METTL8: variants seen among roughly 807,000 people sequenced by gnomAD.
METTL8 encodes tRNA N(3)-cytidine methyltransferase METTL8, mitochondrial.
METTL8 carries 32 observed loss-of-function variants against 48.7 expected under a neutral mutation model. That is an observed-to-expected ratio of 0.66 (90% CI 0.50 to 0.88). METTL8 has a LOEUF of 0.88. Ranked by LOEUF, METTL8 falls within the 40% of genes least tolerant of loss-of-function variation. The probability of loss-of-function intolerance (pLI) is 0.00; values close to 1 mark genes in which losing one functional copy is unlikely to be tolerated. For missense variants in METTL8, 464 were observed against 474.4 expected (o/e 0.98, Z 0.20); for synonymous variants, 136 against 157.1 (o/e 0.87, Z 1.01).
chr2:171,392,487 G>A (rs10192493), intron 1 of METTL8, among the ~76,000 whole-genome samples: 8,222 of 152,122 alleles, frequency 0.054, 242 homozygotes, highest in African/African-American at 0.072. Flanking sequence ...TTTAGCACAT[G>A]ATCAAAGCAT....
At chr2:171,383,642 G>A (rs1295164914) in intron 2 of METTL8, among the ~76,000 whole-genome samples, 1 of 152,142 alleles carries the variant, frequency 6.6e-6, no homozygotes, top group East Asian at 1.9e-4. Flanking sequence ...ATAAATGGCC[G>A]AGATCCCTTG....
At chr2:171,375,373 CAAAT>C (rs1335370312) in intron 2 of METTL8, 11 of 627,740 alleles carry the variant, frequency 1.8e-5, no homozygotes, top group Non-Finnish European at 3.1e-5. Flanking sequence ...CCTAAACAAA[CAAAT>C]AAACTGCCAA....
In METTL8 at chr2:171,321,938, T is replaced by G. The variant is rs2105375813; in HGVS notation, c.*2234A>C. The G allele has an allele frequency of 6.6e-6, 1 of 152,118 alleles. No individual in the cohort carries two copies. Among genetic ancestry groups the G allele is most frequent in the East Asian group, 1.9e-4 (1 of 5,168 alleles). 9.4% of individuals were successfully genotyped at this position (152,118 alleles called of 1,614,324 possible). On this transcript the variant is annotated 3_prime_UTR_variant, in exon 10 of 10. Transcript: ENST00000375258. ...GTGATTTGCAAGCCAACTTATGTCCTTTTTGAAGCAAGGGAGTAAATAAAT... is the reference window on the plus strand; with the variant it reads ...GTGATTTGCAAGCCAACTTATGTCCGTTTTGAAGCAAGGGAGTAAATAAAT...
intron 1 of METTL8, among the ~76,000 whole-genome samples, chr2:171,410,339 A>G (rs1446969779): frequency 6.6e-6 from 1 of 152,136 alleles, no homozygotes; most frequent in Non-Finnish European, 1.5e-5. Flanking sequence ...GGCAAATCCT[A>G]TTTTCCCAAA....
At chr2:171,375,192 G>T in intron 2 of METTL8, 3 of 1,408,778 alleles carry the variant, frequency 2.1e-6, no homozygotes, top group Non-Finnish European at 3.0e-6. Flanking sequence ...CCTTGGGCAC[G>T]CATCGGGTAC....
intron 1 of METTL8, among the ~76,000 whole-genome samples, chr2:171,402,053 T>C (rs1008741118): frequency 2.0e-5 from 3 of 152,096 alleles, no homozygotes; most frequent in East Asian, 1.9e-4. Context: ...CAAAATGCTA[T>C]TGGAGCACAG....
intron 1 of METTL8, among the ~76,000 whole-genome samples, chr2:171,418,832 G>C (rs538220352): frequency 6.6e-6 from 1 of 152,208 alleles, no homozygotes; most frequent in Non-Finnish European, 1.5e-5. Context: ...GCATGTGCCT[G>C]TGGCCCCAGC....
At chr2:171,362,698 G>C (rs760372244) in intron 2 of METTL8, among the ~76,000 whole-genome samples, 14 of 152,040 alleles carry the variant, frequency 9.2e-5, no homozygotes, top group Non-Finnish European at 4.4e-5. Flanking sequence ...AAATAAAACT[G>C]AATCATGTAC....
chr2:171,381,440 C>T (rs979151400), intron 2 of METTL8, among the ~76,000 whole-genome samples: 5 of 151,908 alleles, frequency 3.3e-5, no homozygotes, highest in African/African-American at 1.2e-4. Flanking sequence ...TCTGCACAGC[C>T]AAAGAAATTA....
At chr2:171,405,734 C>G (rs1455337163) in intron 1 of METTL8, among the ~76,000 whole-genome samples, 2 of 151,888 alleles carry the variant, frequency 1.3e-5, no homozygotes, top group Admixed American at 1.3e-4. Flanking sequence ...ATAAGTAGGC[C>G]AAAGAAAGGG....
chr2:171,372,817 C>CT (rs1293893392), intron 2 of METTL8, among the ~76,000 whole-genome samples: 3 of 152,104 alleles, frequency 2.0e-5, no homozygotes, highest in Admixed American at 1.3e-4. Context: ...ATGAACTCAT[C>CT]TTTTTTTATG....
chr2:171,329,883 C>A (rs1685344457), intron 7 of METTL8, among the ~76,000 whole-genome samples: 1 of 152,070 alleles, frequency 6.6e-6, no homozygotes, highest in Admixed American at 6.6e-5. Context: ...CCATATGTAC[C>A]CTTTAATACA....
At chr2:171,360,544 C>T (rs746322512) in intron 2 of METTL8, 31 bp from the exon 3 acceptor site, 9 of 1,583,012 alleles carry the variant, frequency 5.7e-6, no homozygotes, top group Non-Finnish European at 6.9e-6. Flanking sequence ...GTAAAATATG[C>T]TTTATCATTG....
chr2:171,340,520 A>T, intron 3 of METTL8, among the ~76,000 whole-genome samples: 1 of 150,964 alleles, frequency 6.6e-6, no homozygotes, highest in East Asian at 1.9e-4. Context: ...AAAAAAAAAA[A>T]AGAGCCTGGA....
upstream of METTL8, chr2:171,434,408 C>T: frequency 8.3e-7 from 1 of 1,199,792 alleles, no homozygotes; most frequent in South Asian, 1.3e-5. Flanking sequence ...TCTGCTTTCC[C>T]TCGCCCCGCC....
chr2:171,421,927 T>C (rs935761359), intron 1 of METTL8, among the ~76,000 whole-genome samples: 9 of 152,226 alleles, frequency 5.9e-5, no homozygotes, highest in South Asian at 2.1e-4. Flanking sequence ...CAAACTGATA[T>C]ACAGATTTAA....
At chr2:171,389,122 C>CT (rs754434715) in intron 2 of METTL8, among the ~76,000 whole-genome samples, 4 of 152,114 alleles carry the variant, frequency 2.6e-5, no homozygotes, top group Non-Finnish European at 4.4e-5. Context: ...AAAGATTAAG[C>CT]TTAGTGAGGA....
At chr2:171,390,744 A>G (rs116211524) in intron 2 of METTL8, among the ~76,000 whole-genome samples, 1 of 152,332 alleles carries the variant, frequency 6.6e-6, no homozygotes, top group African/African-American at 2.4e-5. Context: ...TGAGCAAAGA[A>G]AGTAGTTTCT....
intron 5 of METTL8, among the ~76,000 whole-genome samples, chr2:171,333,957 C>T (rs1312300033): frequency 6.6e-6 from 1 of 152,092 alleles, no homozygotes; most frequent in Non-Finnish European, 1.5e-5. Context: ...TCAGAGTAAG[C>T]ACTCAATAAA....
Sources: gnomAD v4.1 joint callset for allele counts (sites outside exome capture counted in the v4.1 genomes callset) on GRCh38, gnomAD v4.1.1 for gene constraint, MANE v1.5 for transcripts, NCBI Gene and HGNC (gene_info 2026-07-23, HGNC 2026-07-21) for gene names.